KLHL6: variants seen among roughly 807,000 people sequenced by gnomAD.
KLHL6 encodes the protein kelch like family member 6.
KLHL6 carries 41 observed loss-of-function variants against 58.6 expected under a neutral mutation model. The observed-to-expected ratio is 0.70, with a 90% CI of 0.55 to 0.91. The LOEUF (loss-of-function observed/expected upper bound fraction) is 0.91, where lower values mean the gene tolerates loss of function less well. KLHL6 is among the 40% of genes least tolerant of loss of function. The pLI is 0.00. For missense variants in KLHL6, 714 were observed against 805.6 expected (o/e 0.89, Z 1.38); for synonymous variants, 338 against 322.7 (o/e 1.05, Z -0.51).
At position 183,555,394 on chromosome 3, in the gene KLHL6, C is replaced by T. The variant is rs192715328; in HGVS notation, c.260G>A (p.Arg87His). The change falls in exon 1 of 7, where the codon CGC becomes CAC. Residue 87 changes from arginine (R) to histidine (H), a missense_variant. Arg to His is a conservative substitution (Grantham distance 29, BLOSUM62 0). Around this residue, in one of 2 missense-constraint regions of KLHL6, gnomAD observed 204 missense variants for 175.9 expected, o/e 1.16. Transcript: ENST00000341319. The stretch of plus-strand genomic sequence containing the variant: ...GTTGCTGGCTGCGGCAAGCACCACG[C>T]GGTGGCAGGAGAATTCCTGAATGTC... ...CVDIQEFSCHRVVLAAASNYF... is the reference protein window; with the variant it reads ...CVDIQEFSCHHVVLAAASNYF... The T allele has an allele frequency of 7.4e-6, 12 of 1,614,070 alleles. No homozygotes were observed. The highest frequency in any genetic ancestry group is 4.5e-5 in the East Asian group (2 of 44,886).
At chr3:183,533,081 C>T (rs543625002) in intron 1 of KLHL6, among the ~76,000 whole-genome samples, 5 of 152,168 alleles carry the variant, frequency 3.3e-5, no homozygotes, top group African/African-American at 7.2e-5. Flanking sequence ...GGTTAGGGAG[C>T]CGTTATCTCC....
intron 1 of KLHL6, among the ~76,000 whole-genome samples, chr3:183,552,994 A>G (rs1490395937): frequency 6.6e-6 from 1 of 152,180 alleles, no homozygotes; most frequent in Non-Finnish European, 1.5e-5. Context: ...TATGTGATAC[A>G]GAAGCTACAG....
In KLHL6 at chr3:183,492,238, G is replaced by T; in HGVS notation, c.1565-10C>A. 1 of 1,578,548 alleles carries T rather than the reference G, an allele frequency of 6.3e-7. No homozygotes were observed. The highest frequency in any genetic ancestry group is 8.6e-7 in the Non-Finnish European group (1 of 1,160,320). ...GCTCTCATGGCCCCACCTGAGGAGA[G>T]GGAGGAAACACGGTGGGCATCGCTC... On this transcript the variant is annotated splice_polypyrimidine_tract_variant and intron_variant, in intron 6 of 6. Coordinates refer to ENST00000341319, the MANE Select transcript of KLHL6 (RefSeq NM_130446.4). This position sits in a 1 kb window ranked among gnomAD's most constrained non-coding sequence, Gnocchi z 5.9.
At chr3:183,525,269 A>ACACAC (rs1553811031) in intron 2 of KLHL6, among the ~76,000 whole-genome samples, 3 of 133,794 alleles carry the variant, frequency 2.2e-5, no homozygotes, top group Non-Finnish European at 3.2e-5. Context: ...CTAAAAAAAA[A>ACACAC]ACACACACAC....
At chr3:183,500,820 C>T (rs1717847861) in intron 3 of KLHL6, among the ~76,000 whole-genome samples, 1 of 152,166 alleles carries the variant, frequency 6.6e-6, no homozygotes, top group Admixed American at 6.5e-5. Flanking sequence ...CGCCAATTTT[C>T]CCGCAAAATT....
chr3:183,508,459 T>C lies in KLHL6; in HGVS notation c.509A>G (p.Asn170Ser). ...ACASFLTEAL[N>S]PENCVGILRL... ...CAGTATTCCAACGCAGTTTTCTGGGTTCAAGGCTTCAGTGAGGAAGCTGGC... is the reference window on the plus strand; with the variant it reads ...CAGTATTCCAACGCAGTTTTCTGGGCTCAAGGCTTCAGTGAGGAAGCTGGC... Residue 170 changes from asparagine to serine, a missense_variant, in exon 3 of 7, where the codon AAC becomes AGC. Asn to Ser is a conservative substitution (Grantham distance 46). Coordinates refer to ENST00000341319, the MANE Select transcript of KLHL6 (RefSeq NM_130446.4). 6.2e-7 allele frequency: 1 copy of C among 1,614,130 alleles called. No homozygotes were observed. The highest frequency in any genetic ancestry group is 8.5e-7 in the Non-Finnish European group (1 of 1,180,038).
At chr3:183,501,942 C>A (rs1261907084) in intron 3 of KLHL6, among the ~76,000 whole-genome samples, 2 of 152,252 alleles carry the variant, frequency 1.3e-5, no homozygotes, top group South Asian at 2.1e-4. Context: ...TCCAGTGGAT[C>A]CTCAGCACCA....
At chr3:183,544,201 C>T (rs926080485) in intron 1 of KLHL6, among the ~76,000 whole-genome samples, 1 of 139,910 alleles carries the variant, frequency 7.1e-6, no homozygotes, top group Non-Finnish European at 1.5e-5. Context: ...ATAGCAGTAT[C>T]AGCACTCTTG....
chr3:183,539,721 CA>C (rs982272420), intron 1 of KLHL6, among the ~76,000 whole-genome samples: 1 of 147,080 alleles, frequency 6.8e-6, no homozygotes, highest in African/African-American at 2.6e-5. Context: ...AAAAAAAAAA[CA>C]AAAAAACAAC....
intron 1 of KLHL6, among the ~76,000 whole-genome samples, chr3:183,545,616 A>G (rs913848014): frequency 1.3e-5 from 2 of 152,216 alleles, no homozygotes; most frequent in African/African-American, 4.8e-5. Flanking sequence ...TAGGGGTGAC[A>G]GAGATGACAC....
chr3:183,494,041 T>C (rs530129816), intron 5 of KLHL6, 38 bp downstream of exon 5: 3 of 1,563,272 alleles, frequency 1.9e-6, no homozygotes, highest in African/African-American at 2.7e-5. Context: ...ACTGAAGTAA[T>C]AATACAGGCA....
At chr3:183,551,209 C>T (rs552334878) in intron 1 of KLHL6, among the ~76,000 whole-genome samples, 36 of 151,874 alleles carry the variant, frequency 2.4e-4, no homozygotes, top group African/African-American at 8.7e-4. Context: ...GATGGTAAAC[C>T]AGGGAAGAGA....
At chr3:183,536,924 G>A (rs78968168) in intron 1 of KLHL6, among the ~76,000 whole-genome samples, 5,952 of 152,198 alleles carry the variant, frequency 0.039, 379 homozygotes, top group African/African-American at 0.13. Flanking sequence ...AGCTCAGTTC[G>A]TGGGAGAGAA....
intron 4 of KLHL6, among the ~76,000 whole-genome samples, chr3:183,496,498 T>C (rs1298680767): frequency 6.6e-6 from 1 of 152,108 alleles, no homozygotes; most frequent in Non-Finnish European, 1.5e-5. Flanking sequence ...GCAGCACAAG[T>C]ATGAAAAAAT....
intron 2 of KLHL6, among the ~76,000 whole-genome samples, chr3:183,515,721 C>T (rs189543701): frequency 5.8e-4 from 88 of 152,240 alleles, no homozygotes; most frequent in Middle Eastern, 3.4e-3. Context: ...GTGGAGCACC[C>T]AGAGTACTAA....
chr3:183,538,591 A>G (rs1438759185), intron 1 of KLHL6, among the ~76,000 whole-genome samples: 3 of 152,226 alleles, frequency 2.0e-5, no homozygotes, highest in Admixed American at 6.5e-5. Context: ...GTCAGCATGT[A>G]CTACACAATG....
chr3:183,513,532 G>A (rs943875678), intron 2 of KLHL6, among the ~76,000 whole-genome samples: 3 of 152,206 alleles, frequency 2.0e-5, no homozygotes, highest in Non-Finnish European at 4.4e-5. Flanking sequence ...CCAACAAGAT[G>A]CCGGTTCCTA....
intron 1 of KLHL6, chr3:183,544,900 A>G (rs995636216): frequency 6.6e-6 from 1 of 152,124 alleles, no homozygotes; most frequent in African/African-American, 2.4e-5. Flanking sequence ...GGGTAACTGA[A>G]TGGGGCTGAG....
At chr3:183,493,214 G>T in intron 5 of KLHL6, 1 of 169,642 alleles carries the variant, frequency 5.9e-6, no homozygotes, top group Non-Finnish European at 1.3e-5. Context: ...TCAGACGTGT[G>T]CTTCTATCCT....
Sources: allele counts gnomAD v4.1 joint callset (sites outside exome capture counted in the v4.1 genomes callset), GRCh38; gene constraint gnomAD v4.1.1; regional missense constraint gnomAD v4.1.1; non-coding constraint Gnocchi (gnomAD v3.1); transcripts MANE v1.5; gene names NCBI Gene and HGNC (gene_info 2026-07-23, HGNC 2026-07-21).